The following EFHC1 variants were observed in gnomAD, a reference collection of about 807,000 sequenced individuals.
The protein encoded by EFHC1 is EF-hand domain containing 1.
A neutral mutation model predicts 69.9 loss-of-function variants in EFHC1; 53 were observed. That is an observed-to-expected ratio of 0.76 (90% CI 0.61 to 0.95). The LOEUF is 0.95. Among genes scored for constraint, EFHC1 ranks in the 40% least tolerant of loss-of-function variants. The pLI is 0.00. For missense variants in EFHC1, 739 were observed against 798.7 expected (o/e 0.93, Z 0.90); for synonymous variants, 256 against 278.4 (o/e 0.92, Z 0.80).
chr6:52,444,844 G>T (rs181038624), intron 3 of EFHC1, among the ~76,000 whole-genome samples: 49 of 152,230 alleles, frequency 3.2e-4, no homozygotes, highest in Non-Finnish European at 5.4e-4. Flanking sequence ...CTATTGATTG[G>T]AATAGTTTCA....
rs963853672 is a variant in EFHC1 at position 52,479,284 on chromosome 6, G to A, written c.1492+34G>A. ...AAACACAGTCCAGAATTTCCTACTG[G>A]CTGCCTGAATGAGTTCTTAATTGGA... On this transcript the variant is annotated intron_variant, in intron 8 of 10. Coordinates refer to ENST00000371068, the MANE Select transcript of EFHC1 (RefSeq NM_018100.4). 3.1e-6 allele frequency: 5 copies of A among 1,609,110 alleles called. No individual in the cohort carries two copies. In the East Asian group the frequency reaches 1.1e-4, roughly 36 times the overall value.
Position 52,494,666 on chromosome 6 carries a change from G to A in EFHC1, c.*2325G>A, listed in dbSNP as rs951925712. ...ACCCAGGTAGTGAGCATAGTGCCCA[G>A]TAAGTAGTTTTTCCACACATACCCC... On this transcript the variant is annotated 3_prime_UTR_variant, in exon 11 of 11. Coordinates refer to ENST00000371068, the MANE Select transcript of EFHC1 (RefSeq NM_018100.4). 1 of 453,940 alleles carries A rather than the reference G, an allele frequency of 2.2e-6. No homozygotes were observed. The highest frequency in any genetic ancestry group is 2.0e-5 in the African/African-American group (1 of 49,968). 28.1% of individuals were successfully genotyped at this position (453,940 alleles called of 1,614,324 possible).
chr6:52,478,736 G>T (rs568041375), intron 7 of EFHC1, among the ~76,000 whole-genome samples: 2 of 152,172 alleles, frequency 1.3e-5, no homozygotes, highest in South Asian at 4.1e-4. Flanking sequence ...AAAATCAGAG[G>T]TTTAAAATAA....
chr6:52,479,311 T>C (rs1765619009), intron 8 of EFHC1, 61 bp downstream of exon 8: 1 of 1,553,204 alleles, frequency 6.4e-7, no homozygotes, highest in South Asian at 1.1e-5. Flanking sequence ...TTAATTGGAA[T>C]TTAATTCATT....
At chr6:52,480,491 A>G (rs1437880098) in intron 9 of EFHC1, among the ~76,000 whole-genome samples, 4 of 152,224 alleles carry the variant, frequency 2.6e-5, no homozygotes, top group African/African-American at 9.6e-5. Flanking sequence ...GTTGCTGCCC[A>G]CATTGAGTTG....
Position 52,459,615 on chromosome 6 carries a change from T to C in EFHC1, c.917-5280T>C, listed in dbSNP as rs190314615. 7.2e-5 allele frequency among the ~76,000 whole-genome samples: 11 copies of C among 152,278 alleles called. No homozygotes were observed. In the East Asian group the frequency reaches 2.1e-3, roughly 29 times the overall value. On this transcript the variant is annotated intron_variant, in intron 5 of 10. Transcript: ENST00000371068. ...AATTTCACACACTGCTAGTGGAAGG[T>C]CAGCTGAAACAACCACGTTGAAAAA...
intron 6 of EFHC1, chr6:52,468,292 A>G (rs1765355057): frequency 6.6e-6 from 1 of 152,182 alleles, no homozygotes; most frequent in Non-Finnish European, 1.5e-5. Context: ...AGTATCTAGG[A>G]GTGATGATAT....
In EFHC1 at chr6:52,493,266, G is replaced by T. The variant is rs1403093757; in HGVS notation, c.*925G>T. On this transcript the variant is annotated 3_prime_UTR_variant, in exon 11 of 11. Transcript: ENST00000371068. ...CTGGAATTATACCTTTAGCTCTCCT[G>T]GGTCTCCAGCTTGCCAATTTACCCT... The T allele has an allele frequency of 2.2e-6, 1 of 452,016 alleles. No individual in the cohort carries two copies. Among genetic ancestry groups the T allele is most frequent in the Non-Finnish European group, 4.4e-6 (1 of 226,338 alleles). The allele number at this position is 452,016 out of a possible 1,614,324, so 28.0% of individuals were successfully genotyped here.
At position 52,460,084 on chromosome 6, in the gene EFHC1, G is replaced by A. The variant is rs1765131724; in HGVS notation, c.917-4811G>A. Among the ~76,000 whole-genome samples the A allele has an allele frequency of 2.0e-5, 3 of 152,188 alleles. No individual in the cohort carries two copies. In the South Asian group the frequency reaches 6.2e-4, roughly 32 times the overall value. ...AACATATGTCCACACAGAAACTTATGTGAATGTTTATGGCAGCTTTTTTTA... is the reference window on the plus strand; with the variant it reads ...AACATATGTCCACACAGAAACTTATATGAATGTTTATGGCAGCTTTTTTTA... On this transcript the variant is annotated intron_variant, in intron 5 of 10. Transcript: ENST00000371068.
At chr6:52,447,548 G>A (rs572968194) in intron 3 of EFHC1, among the ~76,000 whole-genome samples, 2 of 152,048 alleles carry the variant, frequency 1.3e-5, no homozygotes, top group Non-Finnish European at 2.9e-5. Flanking sequence ...ATTACTGATT[G>A]TCTGAAGCCT....
At chr6:52,421,065 C>G in intron 1 of EFHC1, 5 of 992,750 alleles carry the variant, frequency 5.0e-6, no homozygotes, top group Non-Finnish European at 6.0e-6. Flanking sequence ...CTTCTTTCCG[C>G]CAGGTCTTTT....
Position 52,492,749 on chromosome 6 carries a change from G to A in EFHC1, c.*408G>A. ...CCCACTTCAACCTCCCCAGTAGCTG[G>A]GACAACAGGCTCAAGCCACCATGCC... On this transcript the variant is annotated 3_prime_UTR_variant, in exon 11 of 11. Transcript: ENST00000371068. 1 of 443,810 alleles carries A rather than the reference G, an allele frequency of 2.3e-6. No homozygotes were observed. The highest frequency in any genetic ancestry group is 1.6e-5 in the South Asian group (1 of 61,804). 27.5% of individuals were successfully genotyped at this position (443,810 alleles called of 1,614,324 possible).
chr6:52,463,121 G>C (rs990015517), intron 5 of EFHC1, among the ~76,000 whole-genome samples: 1 of 151,494 alleles, frequency 6.6e-6, no homozygotes, highest in Admixed American at 6.6e-5. Context: ...TCCGCCTCCC[G>C]GGTTCACACC....
intron 4 of EFHC1, chr6:52,453,039 G>A (rs999290968): frequency 1.1e-5 from 16 of 1,521,646 alleles, no homozygotes; most frequent in East Asian, 7.6e-5. Flanking sequence ...GAGATCCAAA[G>A]AAGATCGTGG....
At chr6:52,475,086 G>A (rs751798921) in intron 7 of EFHC1, among the ~76,000 whole-genome samples, 4 of 151,550 alleles carry the variant, frequency 2.6e-5, no homozygotes, top group Non-Finnish European at 5.9e-5. Context: ...AGAACTATTA[G>A]TAAAGAAATA....
intron 9 of EFHC1, among the ~76,000 whole-genome samples, chr6:52,480,934 C>G (rs1358223587): frequency 3.3e-5 from 5 of 152,086 alleles, no homozygotes; most frequent in Non-Finnish European, 7.4e-5. Flanking sequence ...GCTTTTTTCT[C>G]TGAATGAAAT....
In EFHC1 at chr6:52,465,067, T is replaced by C. The variant is rs1388169345; in HGVS notation, c.1089T>C (p.Asp363=). The change falls in exon 6 of 11, where the codon GAT becomes GAC. Residue 363 remains aspartate (D), a synonymous_variant. Coordinates refer to ENST00000371068, the MANE Select transcript of EFHC1 (RefSeq NM_018100.4). The part of the protein sequence containing the change: ...RYYKEKFGIT[D]LPRIDVSKRE... ...ACAAAGAGAAGTTTGGAATCACTGATTTACCACGTATTGATGTGAGCAAGC... is the reference window on the plus strand; with the variant it reads ...ACAAAGAGAAGTTTGGAATCACTGACTTACCACGTATTGATGTGAGCAAGC... 9 of 1,614,132 alleles carry C rather than the reference T, an allele frequency of 5.6e-6. No homozygotes were observed. Among genetic ancestry groups the C allele is most frequent in the Non-Finnish European group, 7.6e-6 (9 of 1,180,040 alleles).
At chr6:52,447,399 G>A (rs1229572572) in intron 3 of EFHC1, among the ~76,000 whole-genome samples, 4 of 152,130 alleles carry the variant, frequency 2.6e-5, no homozygotes, top group Non-Finnish European at 5.9e-5. Flanking sequence ...TCATGCCATG[G>A]TTTTCAGCTC....
At chr6:52,450,234 G>A (rs1367657293) in intron 3 of EFHC1, among the ~76,000 whole-genome samples, 1 of 152,056 alleles carries the variant, frequency 6.6e-6, no homozygotes, top group Non-Finnish European at 1.5e-5. Flanking sequence ...TTATGTGGTC[G>A]ATTTTAGAAT....
Sources: gnomAD v4.1 joint callset for allele counts (sites outside exome capture counted in the v4.1 genomes callset) on GRCh38, gnomAD v4.1.1 for gene constraint, MANE v1.5 for transcripts, NCBI Gene and HGNC (gene_info 2026-07-23, HGNC 2026-07-21) for gene names.